Variants in ANKS1B observed in about 807,000 individuals in gnomAD.
ANKS1B encodes ankyrin repeat and sterile alpha motif domain-containing protein 1B.
In ANKS1B, 36 loss-of-function variants were observed where a neutral mutation model predicts 148.3. The ratio of observed to expected loss-of-function variants is 0.24; its 90% CI spans 0.19 to 0.32. ANKS1B has a LOEUF of 0.32. ANKS1B is among the 10% of genes least tolerant of loss of function. ANKS1B has a pLI of 1.00. For missense variants in ANKS1B, 1,157 were observed against 1,542.6 expected, an observed-to-expected ratio of 0.75 and a Z score of 4.19; for synonymous variants, 542 against 560.8, an observed-to-expected ratio of 0.97 and a Z score of 0.47.
chr12:98,953,542 T>TG, intron 17 of ANKS1B, among the ~76,000 whole-genome samples: 3 of 80,698 alleles, frequency 3.7e-5, no homozygotes, highest in African/African-American at 2.5e-4. Flanking sequence ...GAGTGGTTTT[T>TG]TTTTTTTTTT....
intron 9 of ANKS1B, among the ~76,000 whole-genome samples, chr12:99,561,181 C>T (rs1005604479): frequency 7.9e-5 from 12 of 152,142 alleles, no homozygotes; most frequent in African/African-American, 2.9e-4. Flanking sequence ...ATGAACTTTG[C>T]CACATTAATT....
At chr12:99,950,454 T>G (rs2095189101) in intron 1 of ANKS1B, among the ~76,000 whole-genome samples, 1 of 152,116 alleles carries the variant, frequency 6.6e-6, no homozygotes, top group East Asian at 1.9e-4. Flanking sequence ...TTTCCCCGTA[T>G]GAATATATAT....
chr12:99,797,553 AAAAC>A (rs201196536), intron 4 of ANKS1B, among the ~76,000 whole-genome samples: 2,108 of 151,946 alleles, frequency 0.014, 21 homozygotes, highest in Non-Finnish European at 0.02. Flanking sequence ...TCATTTAAAA[AAAAC>A]AAAATTTCCA....
At chr12:99,531,347 TTA>T (rs775273089) in intron 9 of ANKS1B, among the ~76,000 whole-genome samples, 1 of 152,120 alleles carries the variant, frequency 6.6e-6, no homozygotes, top group Non-Finnish European at 1.5e-5. Context: ...CATGGATAAA[TTA>T]TAGGAACCTC....
At chr12:99,510,278 T>C (rs1371818257) in intron 9 of ANKS1B, among the ~76,000 whole-genome samples, 3 of 151,992 alleles carry the variant, frequency 2.0e-5, no homozygotes, top group East Asian at 1.9e-4. Context: ...AAATACATTA[T>C]ATAAGGCTAT....
intron 14 of ANKS1B, among the ~76,000 whole-genome samples, chr12:99,175,698 ATC>A (rs902978738): frequency 2.6e-5 from 4 of 152,350 alleles, no homozygotes; most frequent in Admixed American, 1.3e-4. Context: ...AGGTTAGCTA[ATC>A]CGCATAGTAC....
At chr12:98,876,520 C>T (rs184115805) in intron 17 of ANKS1B, among the ~76,000 whole-genome samples, 2 of 152,324 alleles carry the variant, frequency 1.3e-5, no homozygotes, top group African/African-American at 2.4e-5. Flanking sequence ...ACGTTATGGG[C>T]CTTACACGTC....
At chr12:99,036,622 G>A (rs2099955734) in intron 17 of ANKS1B, among the ~76,000 whole-genome samples, 1 of 152,164 alleles carries the variant, frequency 6.6e-6, no homozygotes, top group South Asian at 2.1e-4. Flanking sequence ...TCAGTACTTG[G>A]AAAGATACAA....
chr12:98,803,731 G>C (rs1232319234), intron 20 of ANKS1B, among the ~76,000 whole-genome samples: 2 of 152,152 alleles, frequency 1.3e-5, no homozygotes, highest in African/African-American at 4.8e-5. Context: ...ATGAGTTGGG[G>C]GAAGCTAGGG....
intron 17 of ANKS1B, among the ~76,000 whole-genome samples, chr12:98,851,883 G>C (rs1051871344): frequency 6.6e-6 from 1 of 151,964 alleles, no homozygotes; most frequent in African/African-American, 2.4e-5. Flanking sequence ...AATTAGCTGG[G>C]CATGGTGGTG....
At chr12:99,160,908 T>G (rs2076593708) in intron 14 of ANKS1B, among the ~76,000 whole-genome samples, 1 of 152,186 alleles carries the variant, frequency 6.6e-6, no homozygotes. Flanking sequence ...CATCTGTGTT[T>G]GTACCAGTAC....
chr12:98,764,075 C>A (rs1317025976), intron 25 of ANKS1B, among the ~76,000 whole-genome samples: 1 of 152,226 alleles, frequency 6.6e-6, no homozygotes, highest in East Asian at 1.9e-4. Flanking sequence ...GAGGGACTGG[C>A]CTGCCTGGGA....
intron 6 of ANKS1B, among the ~76,000 whole-genome samples, chr12:99,775,944 T>TAG (rs769811642): frequency 6.6e-6 from 1 of 152,166 alleles, no homozygotes; most frequent in African/African-American, 2.4e-5. Context: ...TCCTTAAAAA[T>TAG]AAATTCACCT....
chr12:98,946,033 T>A (rs1470458443), intron 17 of ANKS1B, among the ~76,000 whole-genome samples: 1 of 152,230 alleles, frequency 6.6e-6, no homozygotes, highest in African/African-American at 2.4e-5. Context: ...GTCGATCTTG[T>A]AGTCAAGCCA....
At chr12:99,385,431 T>C (rs1483702534) in intron 12 of ANKS1B, among the ~76,000 whole-genome samples, 2 of 152,226 alleles carry the variant, frequency 1.3e-5, no homozygotes, top group Non-Finnish European at 2.9e-5. Context: ...ATTGTGCCAC[T>C]GCACTCCAGC....
chr12:99,242,409 G>T (rs2089512461), intron 14 of ANKS1B, among the ~76,000 whole-genome samples: 1 of 152,124 alleles, frequency 6.6e-6, no homozygotes, highest in Non-Finnish European at 1.5e-5. Context: ...CAAACAAATG[G>T]AAGAACATTC....
intron 1 of ANKS1B, among the ~76,000 whole-genome samples, chr12:99,906,286 A>G (rs2153778943): frequency 6.6e-6 from 1 of 152,308 alleles, no homozygotes; most frequent in African/African-American, 2.4e-5. Context: ...TAATGTAGTG[A>G]TCTGTATCGC....
intron 12 of ANKS1B, among the ~76,000 whole-genome samples, chr12:99,260,001 T>C (rs2075754125): frequency 6.6e-6 from 1 of 152,200 alleles, no homozygotes; most frequent in African/African-American, 2.4e-5. Flanking sequence ...CCAAAATGTA[T>C]TTCTTTGTAA....
At chr12:99,037,453 C>T (rs1429005884) in intron 17 of ANKS1B, among the ~76,000 whole-genome samples, 2 of 151,072 alleles carry the variant, frequency 1.3e-5, no homozygotes, top group African/African-American at 2.4e-5. Context: ...TGCAGTGAGC[C>T]GAGATAGCGC....
Sources: allele counts gnomAD v4.1 joint callset (sites outside exome capture counted in the v4.1 genomes callset), GRCh38; gene constraint gnomAD v4.1.1; transcripts MANE v1.5; gene names NCBI Gene and HGNC (gene_info 2026-07-23, HGNC 2026-07-21).